The following GALNT18 variants were observed in gnomAD, a reference collection of about 807,000 sequenced individuals.
The protein encoded by GALNT18 is GalNAc-transferase 18.
GALNT18 carries 44 observed loss-of-function variants against 69.5 expected under a neutral mutation model. The ratio of observed to expected loss-of-function variants is 0.63; its 90% confidence interval spans 0.50 to 0.81. GALNT18 has a LOEUF of 0.81. GALNT18 is among the 40% of genes least tolerant of loss of function. The pLI is 0.00. For synonymous variants in GALNT18, 364 were observed against 318.2 expected (o/e 1.14, Z -1.53); for missense variants, 715 against 810.0 (o/e 0.88, Z 1.42).
chr11:11,507,802 G>A (rs967578280), intron 1 of GALNT18, among the ~76,000 whole-genome samples: 2 of 152,066 alleles, frequency 1.3e-5, no homozygotes, highest in African/African-American at 2.4e-5. Context: ...CCCTCAATCC[G>A]GGTGGGCCCC....
chr11:11,271,433 G>C, intron 10 of GALNT18, 143 bp from the exon 11 acceptor site: 1 of 784,334 alleles, frequency 1.3e-6, no homozygotes. Context: ...TGAAACTGCA[G>C]GCTCCCCTAT....
chr11:11,392,626 A>T (rs913901651), intron 3 of GALNT18, among the ~76,000 whole-genome samples: 1 of 152,142 alleles, frequency 6.6e-6, no homozygotes, highest in Non-Finnish European at 1.5e-5. Flanking sequence ...TCTCAAAAAG[A>T]AAAAAGAAAA....
At chr11:11,284,930 T>A (rs77236542) in intron 10 of GALNT18, among the ~76,000 whole-genome samples, 28 of 134,718 alleles carry the variant, frequency 2.1e-4, no homozygotes, top group African/African-American at 6.5e-4. Context: ...TTTTTTTTTT[T>A]AACTACTTGG....
chr11:11,373,381 C>T (rs187153229), intron 5 of GALNT18, among the ~76,000 whole-genome samples: 14 of 152,294 alleles, frequency 9.2e-5, no homozygotes, highest in Admixed American at 8.5e-4. Flanking sequence ...AGATGAACTA[C>T]ACAAGGGTGA....
chr11:11,412,913 C>A (rs1854764485), intron 3 of GALNT18, among the ~76,000 whole-genome samples: 1 of 152,200 alleles, frequency 6.6e-6, no homozygotes, highest in African/African-American at 2.4e-5. Flanking sequence ...CCCCAGAAAG[C>A]AACTCTCAAC....
At chr11:11,353,194 G>T (rs992881230) in intron 6 of GALNT18, 2 of 1,586,112 alleles carry the variant, frequency 1.3e-6, no homozygotes, top group East Asian at 2.2e-5. Context: ...AAGCAGCTTG[G>T]GGGTAAGACC....
rs773752015 is a variant in GALNT18 at position 11,372,454 on chromosome 11, C to A, written c.1092+61G>T. On this transcript the variant is annotated intron_variant, in intron 6 of 10. Transcript: ENST00000227756. This position sits in a 1 kb window ranked among gnomAD's most constrained non-coding sequence, Gnocchi z 4.9. ...AACCTTAAACCCCATTTCTCCACCCCCAGACTCATTCACCCTGGTGGGAGC... is the reference window on the plus strand; with the variant it reads ...AACCTTAAACCCCATTTCTCCACCCACAGACTCATTCACCCTGGTGGGAGC... 3.8e-6 allele frequency: 5 copies of A among 1,312,598 alleles called. No homozygotes were observed. Among genetic ancestry groups the A allele is most frequent in the Non-Finnish European group, 5.5e-6 (5 of 906,188 alleles). The allele number at this position is 1,312,598 out of a possible 1,614,324, so 81.3% of individuals were successfully genotyped here.
rs1034532073 is a variant in GALNT18, at chr11:11,459,763, T to G, written c.236-10827A>C. ...TCAGATAGGTGGTAAAGTGTATTAA[T>G]AGTTTCCTATGGTGCTCTAGCAAAA... On this transcript the variant is annotated intron_variant, in intron 1 of 10. Coordinates refer to ENST00000227756, the MANE Select transcript of GALNT18 (RefSeq NM_198516.3). The surrounding 1 kb of genome is among the most constrained non-coding windows in gnomAD (Gnocchi z 5.0). 6.6e-6 allele frequency among the ~76,000 whole-genome samples: 1 copy of G among 152,252 alleles called. No homozygotes were observed. The highest frequency in any genetic ancestry group is 1.9e-4 in the East Asian group (1 of 5,200).
chr11:11,451,246 T>A (rs139747949), intron 1 of GALNT18, among the ~76,000 whole-genome samples: 1 of 152,268 alleles, frequency 6.6e-6, no homozygotes, highest in African/African-American at 2.4e-5. Context: ...TAAAAAGATG[T>A]ATGACTCATT....
intron 10 of GALNT18, among the ~76,000 whole-genome samples, chr11:11,288,869 A>G (rs1427617860): frequency 6.6e-6 from 1 of 152,168 alleles, no homozygotes; most frequent in East Asian, 1.9e-4. Flanking sequence ...TGGTAGGAGA[A>G]CCTGGGAAAA....
chr11:11,434,227 C>G (rs999191223), intron 2 of GALNT18, among the ~76,000 whole-genome samples: 1 of 152,168 alleles, frequency 6.6e-6, no homozygotes, highest in Non-Finnish European at 1.5e-5. Context: ...CTCCTTCTCT[C>G]TCGCCAGAGA....
rs1262593677 is a variant in GALNT18, at chr11:11,444,582, AGGCACT to A, written c.428+4156_428+4161del. ...CTAGTTGTGTCCTGTCTTGTCTATA[AGGCACT>A]GGCACAGCATGGTCCTATCTCAGCC... On this transcript the variant is annotated intron_variant, in intron 2 of 10. Transcript: ENST00000227756. This position sits in a 1 kb window ranked among gnomAD's most constrained non-coding sequence, Gnocchi z 4.4. 2.0e-5 allele frequency among the ~76,000 whole-genome samples: 3 copies of A among 152,312 alleles called. No individual in the cohort carries two copies. The East Asian group carries it at 5.8e-4, about 29-fold the overall frequency.
In GALNT18 at chr11:11,465,562, C is replaced by A. The variant is rs989889340; in HGVS notation, c.236-16626G>T. On this transcript the variant is annotated intron_variant, in intron 1 of 10. Coordinates refer to ENST00000227756, the MANE Select transcript of GALNT18 (RefSeq NM_198516.3). The surrounding 1 kb of genome is among the most constrained non-coding windows in gnomAD (Gnocchi z 5.7). ...TCAGGAAGCACAGCTTAGGAAGGGT[C>A]TTGAGAATGGCCTCCGGGAACCAGA... 6.6e-6 allele frequency among the ~76,000 whole-genome samples: 1 copy of A among 152,154 alleles called. No homozygotes were observed. The highest frequency in any genetic ancestry group is 1.5e-5 in the Non-Finnish European group (1 of 68,034).
Position 11,383,739 on chromosome 11 carries a change from G to A in GALNT18, c.596-4475C>T, listed in dbSNP as rs1235384279. On this transcript the variant is annotated intron_variant, in intron 3 of 10. Transcript: ENST00000227756. The surrounding 1 kb of genome is among the most constrained non-coding windows in gnomAD (Gnocchi z 5.2). ...CCATGTGTTAAGGTGATTGCATCAT[G>A]GGGGCAGTTTCCCACACGCTGTTCT... Among the ~76,000 whole-genome samples, 2 of 152,130 alleles carry A rather than the reference G, an allele frequency of 1.3e-5. No individual in the cohort carries two copies. The highest frequency in any genetic ancestry group is 4.8e-5 in the African/African-American group (2 of 41,436).
At chr11:11,299,231 G>A (rs1410636190) in intron 9 of GALNT18, among the ~76,000 whole-genome samples, 5 of 152,060 alleles carry the variant, frequency 3.3e-5, no homozygotes, top group Non-Finnish European at 1.5e-5. Flanking sequence ...TGCAACCTCC[G>A]CCTCCCAGGT....
At position 11,522,161 on chromosome 11, in the gene GALNT18, C is replaced by G. The variant is rs145127012; in HGVS notation, c.236-73225G>C. Among the ~76,000 whole-genome samples, 595 of 152,294 alleles carry G rather than the reference C, an allele frequency of 3.9e-3. 4 individuals are homozygous for G. The highest frequency in any genetic ancestry group is 0.014 in the African/African-American group (576 of 41,564). ...CCTCTTCTATCCCAAGAATCCTCCCCCTGAGGTGCTACTCTCCTCCTACCT... is the reference window on the plus strand; with the variant it reads ...CCTCTTCTATCCCAAGAATCCTCCCGCTGAGGTGCTACTCTCCTCCTACCT... On this transcript the variant is annotated intron_variant, in intron 1 of 10. Transcript: ENST00000227756.
At position 11,448,948 on chromosome 11, in the gene GALNT18, A is replaced by G; in HGVS notation, c.236-12T>C. On this transcript the variant is annotated splice_polypyrimidine_tract_variant and intron_variant, in intron 1 of 10. Coordinates refer to ENST00000227756, the MANE Select transcript of GALNT18 (RefSeq NM_198516.3). Reference sequence around the variant, plus strand: ...CTTGGCAGGAGCCTCTGGAGAAAGAAGGAACAGGAGACAGTGGGTCAGAGT... The same window carrying G: ...CTTGGCAGGAGCCTCTGGAGAAAGAGGGAACAGGAGACAGTGGGTCAGAGT... 6.4e-7 allele frequency: 1 copy of G among 1,566,220 alleles called. No individual in the cohort carries two copies. Among genetic ancestry groups the G allele is most frequent in the Non-Finnish European group, 8.6e-7 (1 of 1,157,018 alleles).
At position 11,377,081 on chromosome 11, in the gene GALNT18, C is replaced by A. The variant is rs749802578; in HGVS notation, c.977+101G>T. ...TTCGACCCTGCCCACCCCTGTCATC[C>A]CCACGATGGGGCTCAAGTTGGAGAA... is the stretch of plus-strand genomic sequence containing the variant. On this transcript the variant is annotated intron_variant, in intron 5 of 10. Coordinates refer to ENST00000227756, the MANE Select transcript of GALNT18 (RefSeq NM_198516.3). This position sits in a 1 kb window ranked among gnomAD's most constrained non-coding sequence, Gnocchi z 4.6. 166 of 1,144,794 alleles carry A rather than the reference C, an allele frequency of 1.5e-4. No homozygotes were observed. Among genetic ancestry groups the A allele is most frequent in the Non-Finnish European group, 2.0e-4 (158 of 782,574 alleles). 70.9% of individuals were successfully genotyped at this position (1,144,794 alleles called of 1,614,324 possible). A position where few individuals can be genotyped will look rare whatever the true frequency, so the allele number is the denominator to read the frequency against.
At chr11:11,556,403 C>CCATTG (rs1858334576) in intron 1 of GALNT18, among the ~76,000 whole-genome samples, 1 of 152,180 alleles carries the variant, frequency 6.6e-6, no homozygotes, top group Non-Finnish European at 1.5e-5. Context: ...GGGTAAGTCG[C>CCATTG]CAACATGGCA....
Sources: allele counts gnomAD v4.1 joint callset (sites outside exome capture counted in the v4.1 genomes callset), GRCh38; gene constraint gnomAD v4.1.1; non-coding constraint Gnocchi (gnomAD v3.1); transcripts MANE v1.5; gene names NCBI Gene and HGNC (gene_info 2026-07-23, HGNC 2026-07-21).